Variants in XNDC1N observed in about 807,000 individuals in gnomAD.
The protein encoded by XNDC1N is XRCC1 N-terminal domain containing 1, N-terminal like.
chr11:71,913,388 C>T, the XNDC1N span, among the ~76,000 whole-genome samples: 2 of 151,968 alleles, frequency 1.3e-5, no homozygotes, highest in Non-Finnish European at 2.9e-5. Flanking sequence ...AACAAGGTCA[C>T]GGGGGGTGAC....
the XNDC1N span, among the ~76,000 whole-genome samples, chr11:71,924,839 A>C: frequency 6.6e-6 from 1 of 152,160 alleles, no homozygotes; most frequent in African/African-American, 2.4e-5. Context: ...TGCTGAAAGG[A>C]GTTTTTAAAG....
the XNDC1N span, among the ~76,000 whole-genome samples, chr11:71,913,111 C>T: frequency 6.6e-6 from 1 of 152,024 alleles, no homozygotes; most frequent in African/African-American, 2.4e-5. Context: ...ACACCCTCTG[C>T]GATATTGAGA....
At chr11:71,868,112 G>A in the XNDC1N span, among the ~76,000 whole-genome samples, 20 of 152,238 alleles carry the variant, frequency 1.3e-4, no homozygotes, top group African/African-American at 4.8e-4. Context: ...GGCAACCCCT[G>A]CTTTTTTGTT....
the XNDC1N span, among the ~76,000 whole-genome samples, chr11:71,890,953 G>C: frequency 4.2e-4 from 64 of 152,088 alleles, no homozygotes; most frequent in African/African-American, 1.4e-3. Context: ...CTCCCCCCTT[G>C]CATATTGGGA....
chr11:71,912,814 A>T, the XNDC1N span, among the ~76,000 whole-genome samples: 2 of 152,096 alleles, frequency 1.3e-5, no homozygotes, highest in Non-Finnish European at 2.9e-5. Flanking sequence ...TTAGGAAAAA[A>T]TGTCACTGGG....
chr11:71,928,333 C>CCT, the XNDC1N span: 1 of 630,526 alleles, frequency 1.6e-6, no homozygotes. Flanking sequence ...CGGCCACTCC[C>CCT]CTCCCCATCA....
At chr11:71,909,266 G>C in the XNDC1N span, among the ~76,000 whole-genome samples, 1 of 151,366 alleles carries the variant, frequency 6.6e-6, no homozygotes, top group Non-Finnish European at 1.5e-5. Context: ...ACGGCAAAGA[G>C]AATGGAGGTC....
chr11:71,908,687 T>C, the XNDC1N span, among the ~76,000 whole-genome samples: 3 of 152,130 alleles, frequency 2.0e-5, no homozygotes, highest in African/African-American at 4.8e-5. Flanking sequence ...CAAGCCCTAA[T>C]TGATTTGCTC....
the XNDC1N span, among the ~76,000 whole-genome samples, chr11:71,886,933 C>T: frequency 6.6e-6 from 1 of 152,154 alleles, no homozygotes; most frequent in African/African-American, 2.4e-5. Context: ...TCAGAGTTTG[C>T]AGCATAACCA....
At chr11:71,895,459 G>T in the XNDC1N span, among the ~76,000 whole-genome samples, 28 of 147,968 alleles carry the variant, frequency 1.9e-4, no homozygotes, top group African/African-American at 6.7e-4. Context: ...ACAGGCATGC[G>T]CTACCATGCC....
the XNDC1N span, among the ~76,000 whole-genome samples, chr11:71,880,367 C>A: frequency 1.3e-5 from 2 of 152,022 alleles, no homozygotes; most frequent in African/African-American, 2.4e-5. Context: ...TGTAATGTCT[C>A]CTGTTTTATT....
the XNDC1N span, among the ~76,000 whole-genome samples, chr11:71,909,946 G>C: frequency 0.056 from 8,538 of 152,116 alleles, 329 homozygotes; most frequent in Non-Finnish European, 0.085. Context: ...TTTCTTAACT[G>C]AGCCGGGCCA....
the XNDC1N span, among the ~76,000 whole-genome samples, chr11:71,900,403 C>T: frequency 2.6e-5 from 4 of 151,866 alleles, no homozygotes; most frequent in Admixed American, 1.3e-4. Context: ...GAGGGAGGGT[C>T]GGGAGCCTTG....
chr11:71,916,238 G>A, the XNDC1N span: 2 of 702,510 alleles, frequency 2.8e-6, no homozygotes, highest in East Asian at 2.7e-5. Context: ...CCTGAGGCTG[G>A]AGCCAGGAAA....
the XNDC1N span, among the ~76,000 whole-genome samples, chr11:71,887,658 T>A: frequency 6.6e-6 from 1 of 152,202 alleles, no homozygotes; most frequent in South Asian, 2.1e-4. Context: ...CTCAAGCACC[T>A]AAGAACTTTT....
chr11:71,919,896 CGT>C, the XNDC1N span, among the ~76,000 whole-genome samples: 1 of 123,490 alleles, frequency 8.1e-6, no homozygotes, highest in African/African-American at 3.0e-5. Context: ...GGATTACAGG[CGT>C]GAGCCACCGC....
At chr11:71,882,343 G>A in the XNDC1N span, among the ~76,000 whole-genome samples, 2 of 151,818 alleles carry the variant, frequency 1.3e-5, no homozygotes, top group African/African-American at 4.8e-5. Flanking sequence ...TGCAGCCTCC[G>A]CTTCCTGGGT....
At chr11:71,879,049 C>G in the XNDC1N span, among the ~76,000 whole-genome samples, 1 of 151,852 alleles carries the variant, frequency 6.6e-6, no homozygotes, top group Non-Finnish European at 1.5e-5. Context: ...TGTGTTTGAT[C>G]AAAAGATGGT....
the XNDC1N span, among the ~76,000 whole-genome samples, chr11:71,889,508 TGGAG>T: frequency 3.3e-5 from 5 of 152,136 alleles, no homozygotes; most frequent in African/African-American, 1.2e-4. Flanking sequence ...GGACAAGTGA[TGGAG>T]GAAGGATGGA....
Sources: gnomAD v4.1 joint callset for allele counts (sites outside exome capture counted in the v4.1 genomes callset) on GRCh38, gnomAD v4.1.1 for gene constraint, MANE v1.5 for transcripts, NCBI Gene and HGNC (gene_info 2026-07-23, HGNC 2026-07-21) for gene names.